Variants in ZBTB16 observed in about 807,000 individuals in gnomAD.
The protein encoded by ZBTB16 is zinc finger and BTB domain containing 16.
Under a neutral mutation model 56.8 loss-of-function variants are expected in ZBTB16, and 8 were observed. The ratio of observed to expected loss-of-function variants is 0.14; its 90% CI spans 0.08 to 0.25. ZBTB16 has a LOEUF of 0.25. Ranked by LOEUF, ZBTB16 falls within the 10% of genes least tolerant of loss-of-function variation. The pLI is 1.00. For missense variants in ZBTB16, 625 were observed against 903.0 expected (o/e 0.69, Z 3.95); for synonymous variants, 363 against 368.5 (o/e 0.98, Z 0.17).
intron 3 of ZBTB16, among the ~76,000 whole-genome samples, chr11:114,173,308 G>C (rs1943018820): frequency 6.6e-6 from 1 of 152,182 alleles, no homozygotes; most frequent in Non-Finnish European, 1.5e-5. Context: ...AGCAGGCCTG[G>C]AGAGACTGGC....
intron 2 of ZBTB16, among the ~76,000 whole-genome samples, chr11:114,095,181 T>C (rs1214183302): frequency 2.6e-5 from 4 of 151,878 alleles, no homozygotes; most frequent in African/African-American, 9.7e-5. Context: ...ATGCGCTCTT[T>C]AGGGTTTAGT....
At chr11:114,184,504 CTTTG>C (rs1943320501) in intron 3 of ZBTB16, among the ~76,000 whole-genome samples, 1 of 152,220 alleles carries the variant, frequency 6.6e-6, no homozygotes. Context: ...CACAAAACAT[CTTTG>C]CAGATGGAAC....
At chr11:114,232,227 A>G (rs778823693) in intron 4 of ZBTB16, among the ~76,000 whole-genome samples, 6 of 152,206 alleles carry the variant, frequency 3.9e-5, no homozygotes, top group Admixed American at 6.5e-5. Context: ...GGTTACAGGC[A>G]GAATACATGC....
chr11:114,219,066 A>T (rs945056406), intron 4 of ZBTB16, among the ~76,000 whole-genome samples: 1 of 152,118 alleles, frequency 6.6e-6, no homozygotes, highest in Non-Finnish European at 1.5e-5. Context: ...TGGCATGTGT[A>T]TGCATGTACG....
intron 4 of ZBTB16, among the ~76,000 whole-genome samples, chr11:114,204,831 T>C (rs1943819528): frequency 6.6e-6 from 1 of 152,160 alleles, no homozygotes; most frequent in South Asian, 2.1e-4. Context: ...CATTCAGTCT[T>C]CTTAGAAACT....
intron 2 of ZBTB16, among the ~76,000 whole-genome samples, chr11:114,148,582 C>T (rs898375768): frequency 2.1e-4 from 32 of 151,184 alleles, no homozygotes; most frequent in African/African-American, 6.8e-4. Context: ...CAACCTCTGC[C>T]TCCTGGGTTC....
intron 3 of ZBTB16, among the ~76,000 whole-genome samples, chr11:114,184,881 A>G (rs1406279489): frequency 2.0e-5 from 3 of 152,150 alleles, no homozygotes; most frequent in African/African-American, 7.2e-5. Context: ...TTTAAAGAAG[A>G]GCTAAGATGA....
In ZBTB16 at chr11:114,114,194, G is replaced by A. The variant is rs1411842525; in HGVS notation, c.1269-42143G>A. On this transcript the variant is annotated intron_variant, in intron 2 of 6. Coordinates refer to ENST00000335953, the MANE Select transcript of ZBTB16 (RefSeq NM_006006.6). The stretch of plus-strand genomic sequence containing the variant: ...CTGGAGAACATGTCCCTGAGACTTC[G>A]TCCATGTCGGCCACAATGTTGGGGA... 8.5e-5 allele frequency among the ~76,000 whole-genome samples: 13 copies of A among 152,354 alleles called. No homozygotes were observed. In the East Asian group the frequency reaches 2.1e-3, roughly 25 times the overall value.
At chr11:114,211,076 AC>A (rs1469539974) in intron 4 of ZBTB16, 3 of 161,766 alleles carry the variant, frequency 1.9e-5, no homozygotes, top group Non-Finnish European at 2.7e-5. Context: ...GTGCACCACC[AC>A]CCCTAGCTAA....
At chr11:114,093,065 G>A (rs1219999782) in intron 2 of ZBTB16, among the ~76,000 whole-genome samples, 1 of 152,158 alleles carries the variant, frequency 6.6e-6, no homozygotes, top group African/African-American at 2.4e-5. Context: ...GTCCTACATT[G>A]GTAAACTCTG....
intron 4 of ZBTB16, among the ~76,000 whole-genome samples, chr11:114,232,173 C>T (rs941341007): frequency 1.3e-5 from 2 of 152,128 alleles, no homozygotes; most frequent in African/African-American, 4.8e-5. Context: ...AATTCGAGAC[C>T]AAGGGACCCA....
chr11:114,119,230 G>A (rs543362550), intron 2 of ZBTB16, among the ~76,000 whole-genome samples: 66 of 117,526 alleles, frequency 5.6e-4, no homozygotes, highest in African/African-American at 1.4e-3. Context: ...ACACCACTCC[G>A]CTCCAGCCCG....
Position 114,154,779 on chromosome 11 carries a change from G to T in ZBTB16, c.1269-1558G>T, listed in dbSNP as rs1942366183. On this transcript the variant is annotated intron_variant, in intron 2 of 6. Transcript: ENST00000335953. ...GTGATTGAGAAATCATTTGTCTTTG[G>T]CAAGTGGGGAAAGGGAAAGCATGCA... 2.6e-5 allele frequency among the ~76,000 whole-genome samples: 4 copies of T among 152,124 alleles called. No homozygotes were observed. In the South Asian group the frequency reaches 8.3e-4, roughly 31 times the overall value.
intron 2 of ZBTB16, among the ~76,000 whole-genome samples, chr11:114,108,995 T>TGGGGCTGTCCCACTTTTGGAGTGGGGAC (rs1472540548): frequency 6.6e-6 from 1 of 152,122 alleles, no homozygotes; most frequent in Non-Finnish European, 1.5e-5. Flanking sequence ...GCTTCCCTAG[T>TGGGGCTGTCCCACTTTTGGAGTGGGGAC]GGGGCTGTCC....
chr11:114,231,870 A>G (rs1420461169), intron 4 of ZBTB16, among the ~76,000 whole-genome samples: 1 of 152,216 alleles, frequency 6.6e-6, no homozygotes, highest in Non-Finnish European at 1.5e-5. Flanking sequence ...GAGTGGAGAA[A>G]AACCCTTTAA....
chr11:114,132,744 C>T (rs1258098012), intron 2 of ZBTB16, among the ~76,000 whole-genome samples: 1 of 152,126 alleles, frequency 6.6e-6, no homozygotes, highest in Non-Finnish European at 1.5e-5. Context: ...CCGGAGCCTC[C>T]CGGCAGGCAC....
intron 2 of ZBTB16, among the ~76,000 whole-genome samples, chr11:114,106,520 G>A (rs1241898635): frequency 6.9e-6 from 1 of 144,826 alleles, no homozygotes; most frequent in Non-Finnish European, 1.5e-5. Context: ...ACCCAGGCTT[G>A]AATGCAGTGG....
At chr11:114,196,521 C>G (rs1943616307) in intron 4 of ZBTB16, among the ~76,000 whole-genome samples, 1 of 152,202 alleles carries the variant, frequency 6.6e-6, no homozygotes, top group South Asian at 2.1e-4. Context: ...TCAGCTCTCT[C>G]CTCCAGCCCT....
chr11:114,224,035 T>G (rs1369014650), intron 4 of ZBTB16, among the ~76,000 whole-genome samples: 1 of 152,170 alleles, frequency 6.6e-6, no homozygotes, highest in East Asian at 1.9e-4. Flanking sequence ...TTTAAGTAGT[T>G]TTTGCCTTTT....
Sources: gnomAD v4.1 joint callset for allele counts (sites outside exome capture counted in the v4.1 genomes callset) on GRCh38, gnomAD v4.1.1 for gene constraint, MANE v1.5 for transcripts, NCBI Gene and HGNC (gene_info 2026-07-23, HGNC 2026-07-21) for gene names.